PLXDC2: variants seen among roughly 807,000 people sequenced by gnomAD.
PLXDC2 encodes the protein plexin domain containing 2.
PLXDC2 carries 40 observed loss-of-function variants against 68.9 expected under a neutral mutation model. The ratio of observed to expected loss-of-function variants is 0.58; its 90% CI spans 0.45 to 0.76. The LOEUF (loss-of-function observed/expected upper bound fraction) is 0.76, where lower values mean the gene tolerates loss of function less well. PLXDC2 is among the 30% of genes least tolerant of loss of function. The probability of loss-of-function intolerance (pLI) is 0.00; values close to 1 mark genes in which losing one functional copy is unlikely to be tolerated. For missense variants in PLXDC2, 644 were observed against 661.9 expected (o/e 0.97, Z 0.30); for synonymous variants, 243 against 234.2 (o/e 1.04, Z -0.34).
At chr10:20,274,198 G>C (rs1835975696) in intron 13 of PLXDC2, among the ~76,000 whole-genome samples, 1 of 152,138 alleles carries the variant, frequency 6.6e-6, no homozygotes, top group African/African-American at 2.4e-5. Context: ...ACCTCCCCAG[G>C]TGATTTTTAT....
intron 4 of PLXDC2, among the ~76,000 whole-genome samples, chr10:20,077,845 G>A (rs578173279): frequency 6.6e-6 from 1 of 152,106 alleles, no homozygotes. Flanking sequence ...CATAAAATTT[G>A]CCATTTATGA....
intron 4 of PLXDC2, among the ~76,000 whole-genome samples, chr10:20,086,544 A>G (rs530142077): frequency 6.6e-6 from 1 of 151,660 alleles, no homozygotes; most frequent in African/African-American, 2.4e-5. Flanking sequence ...TCTTTTTGAC[A>G]TTTTCCTAAA....
rs887573423 is a variant in PLXDC2 at position 20,078,542 on chromosome 10, G to A, written c.541+10303G>A. ...GTTAGCAGGGAAAGAATGTTATATCGTAATAATCAAGATACAATATTGTAA... is the reference window on the plus strand; with the variant it reads ...GTTAGCAGGGAAAGAATGTTATATCATAATAATCAAGATACAATATTGTAA... On this transcript the variant is annotated intron_variant, in intron 4 of 13. Transcript: ENST00000377252. Among the ~76,000 whole-genome samples, 20 of 152,252 alleles carry A rather than the reference G, an allele frequency of 1.3e-4. 1 individual carries two copies. In the East Asian group the frequency reaches 2.1e-3, roughly 16 times the overall value.
At chr10:20,023,540 T>TTCTCTTGCTC (rs1454561116) in intron 2 of PLXDC2, among the ~76,000 whole-genome samples, 1 of 152,160 alleles carries the variant, frequency 6.6e-6, no homozygotes, top group Non-Finnish European at 1.5e-5. Flanking sequence ...TTCAGCTCCT[T>TTCTCTTGCTC]TCTCTTGCTC....
At chr10:19,960,747 C>T (rs989875873) in intron 1 of PLXDC2, among the ~76,000 whole-genome samples, 2 of 151,088 alleles carry the variant, frequency 1.3e-5, no homozygotes, top group African/African-American at 4.9e-5. Flanking sequence ...ATATTTTTTT[C>T]CTTCCATATT....
At chr10:20,260,073 T>C (rs533129761) in intron 13 of PLXDC2, among the ~76,000 whole-genome samples, 6 of 152,332 alleles carry the variant, frequency 3.9e-5, no homozygotes, top group African/African-American at 4.8e-5. Context: ...TTTTTATAAA[T>C]TGTATATATT....
intron 3 of PLXDC2, among the ~76,000 whole-genome samples, chr10:20,050,690 A>G (rs1835882772): frequency 6.6e-6 from 1 of 151,812 alleles, no homozygotes; most frequent in Admixed American, 6.6e-5. Flanking sequence ...CTATTATTAA[A>G]AAGTAAAAAA....
intron 7 of PLXDC2, among the ~76,000 whole-genome samples, chr10:20,167,377 A>G (rs189093345): frequency 7.9e-5 from 12 of 152,276 alleles, no homozygotes; most frequent in Admixed American, 2.0e-4. Context: ...GCACAATGCA[A>G]GTTATACAAG....
At chr10:20,128,083 T>C (rs930481155) in intron 4 of PLXDC2, among the ~76,000 whole-genome samples, 3 of 152,152 alleles carry the variant, frequency 2.0e-5, no homozygotes, top group Non-Finnish European at 2.9e-5. Flanking sequence ...AACTGTCTTC[T>C]AGAAAGGCTG....
intron 13 of PLXDC2, among the ~76,000 whole-genome samples, chr10:20,273,063 T>A (rs903170488): frequency 3.9e-5 from 6 of 152,210 alleles, no homozygotes; most frequent in Non-Finnish European, 7.4e-5. Context: ...AATAGTAGAT[T>A]CTAAACAAAG....
At chr10:20,151,185 A>C (rs1240065397) in intron 6 of PLXDC2, among the ~76,000 whole-genome samples, 1 of 152,160 alleles carries the variant, frequency 6.6e-6, no homozygotes, top group African/African-American at 2.4e-5. Context: ...ATTTGTCGTA[A>C]GAGAGTCCCC....
intron 1 of PLXDC2, among the ~76,000 whole-genome samples, chr10:19,852,165 G>T (rs1837129421): frequency 6.6e-6 from 1 of 151,940 alleles, no homozygotes; most frequent in South Asian, 2.1e-4. Context: ...AGCATTTTGG[G>T]AGCCTGAGGC....
chr10:19,863,514 A>G (rs1332653533), intron 1 of PLXDC2, among the ~76,000 whole-genome samples: 1 of 152,212 alleles, frequency 6.6e-6, no homozygotes, highest in Admixed American at 6.5e-5. Flanking sequence ...GCCCACTTCA[A>G]ACAGCCCTGC....
rs1834190700 is a variant in PLXDC2, at chr10:20,154,355, A to G, written c.783+6453A>G. ...CAAGGTGGGCTGATCACTTGAGGTC[A>G]GGAGTTGGAGACCAGCCTGGCAACA... is the stretch of plus-strand genomic sequence containing the variant. On this transcript the variant is annotated intron_variant, in intron 6 of 13. Coordinates refer to ENST00000377252, the MANE Select transcript of PLXDC2 (RefSeq NM_032812.9). Among the ~76,000 whole-genome samples the G allele has an allele frequency of 2.0e-5, 3 of 152,282 alleles. No homozygotes were observed. In the South Asian group the frequency reaches 6.2e-4, roughly 32 times the overall value.
intron 4 of PLXDC2, among the ~76,000 whole-genome samples, chr10:20,087,381 G>T (rs569413037): frequency 3.2e-4 from 48 of 151,140 alleles, no homozygotes; most frequent in Non-Finnish European, 6.3e-4. Flanking sequence ...AAAATGGTTG[G>T]CTTGCTGAGT....
chr10:20,206,332 T>A (rs2131852499), intron 9 of PLXDC2, among the ~76,000 whole-genome samples: 1 of 152,230 alleles, frequency 6.6e-6, no homozygotes, highest in South Asian at 2.1e-4. Flanking sequence ...CCAATTGTAG[T>A]ATAATAGTGG....
intron 5 of PLXDC2, among the ~76,000 whole-genome samples, chr10:20,146,572 C>T (rs932204373): frequency 8.3e-5 from 11 of 132,892 alleles, no homozygotes; most frequent in Admixed American, 2.5e-4. Flanking sequence ...CGGAGATGCC[C>T]GTGGAAGGAA....
rs1192741575 is a variant in PLXDC2 at position 19,854,106 on chromosome 10, G to A, written c.112+36915G>A. On this transcript the variant is annotated intron_variant, in intron 1 of 13. Transcript: ENST00000377252. Reference sequence around the variant, plus strand: ...AGTGACAGGAGACAAGGCTATCACAGCCACAACTGGGTGTCTTACATGTGC... The same window carrying A: ...AGTGACAGGAGACAAGGCTATCACAACCACAACTGGGTGTCTTACATGTGC... Among the ~76,000 whole-genome samples the A allele has an allele frequency of 2.0e-5, 3 of 152,170 alleles. No homozygotes were observed. The South Asian group carries it at 6.2e-4, about 31-fold the overall frequency.
At chr10:20,205,416 T>A (rs191524462) in intron 9 of PLXDC2, among the ~76,000 whole-genome samples, 39 of 152,274 alleles carry the variant, frequency 2.6e-4, no homozygotes, top group Non-Finnish European at 5.1e-4. Context: ...ATCAATTATG[T>A]GAGAAATATT....
Sources: gnomAD v4.1 joint callset for allele counts (sites outside exome capture counted in the v4.1 genomes callset) on GRCh38, gnomAD v4.1.1 for gene constraint, MANE v1.5 for transcripts, NCBI Gene and HGNC (gene_info 2026-07-23, HGNC 2026-07-21) for gene names.